MKLN1: variants seen among roughly 807,000 people sequenced by gnomAD.
The protein encoded by MKLN1 is muskelin 1.
MKLN1 carries 18 observed loss-of-function variants against 99.0 expected under a neutral mutation model. The ratio of observed to expected loss-of-function variants is 0.18; its 90% confidence interval spans 0.13 to 0.27. MKLN1 has a LOEUF of 0.27. Ranked by LOEUF, MKLN1 falls within the 10% of genes least tolerant of loss-of-function variation. The probability of loss-of-function intolerance (pLI) is 1.00; values close to 1 mark genes in which losing one functional copy is unlikely to be tolerated. For missense variants in MKLN1, 621 were observed against 875.9 expected (o/e 0.71, Z 3.67); for synonymous variants, 288 against 293.2 (o/e 0.98, Z 0.18).
At chr7:131,477,577 T>TA (rs1391319758) in intron 16 of MKLN1, among the ~76,000 whole-genome samples, 2 of 152,192 alleles carry the variant, frequency 1.3e-5, no homozygotes, top group Non-Finnish European at 2.9e-5. Flanking sequence ...AGAGGACTGA[T>TA]ACCCAGAATG....
intron 2 of MKLN1, among the ~76,000 whole-genome samples, chr7:131,381,019 T>G (rs1401660507): frequency 6.6e-6 from 1 of 152,250 alleles, no homozygotes; most frequent in Non-Finnish European, 1.5e-5. Flanking sequence ...TGTATAATCT[T>G]GTCTTATGTA....
intron 1 of MKLN1, among the ~76,000 whole-genome samples, chr7:131,339,544 C>T (rs1799344919): frequency 1.3e-5 from 2 of 151,964 alleles, no homozygotes; most frequent in Admixed American, 1.3e-4. Flanking sequence ...ACTAAAAATA[C>T]AAAAATTAGC....
At chr7:131,262,682 C>T (rs1312250301) in intron 3 of MKLN1, among the ~76,000 whole-genome samples, 2 of 151,970 alleles carry the variant, frequency 1.3e-5, no homozygotes, top group East Asian at 3.9e-4. Flanking sequence ...TCCCAAGTAG[C>T]TGGGACTGCA....
At chr7:131,219,154 C>G (rs574329084) in intron 3 of MKLN1, among the ~76,000 whole-genome samples, 3 of 151,596 alleles carry the variant, frequency 2.0e-5, no homozygotes, top group Non-Finnish European at 4.4e-5. Context: ...ACACTTAACA[C>G]AAATGCACAG....
chr7:131,349,155 G>A (rs960643424), intron 1 of MKLN1, among the ~76,000 whole-genome samples: 2 of 151,800 alleles, frequency 1.3e-5, no homozygotes, highest in Non-Finnish European at 2.9e-5. Flanking sequence ...ACATATAAAT[G>A]AAGCCTTTGA....
In MKLN1 at chr7:131,397,425, T is replaced by C. The variant is rs1441564140; in HGVS notation, c.510+49T>C. On this transcript the variant is annotated intron_variant, in intron 5 of 17. Transcript: ENST00000352689. Reference sequence around the variant, plus strand: ...ACTTTAATGCCTATAAAAGGAGAAATATGTCAATCTCTTATCTTCATTGAG... The same window carrying C: ...ACTTTAATGCCTATAAAAGGAGAAACATGTCAATCTCTTATCTTCATTGAG... 4.5e-6 allele frequency: 4 copies of C among 891,504 alleles called. No homozygotes were observed. The African/African-American group carries it at 6.8e-5, about 15-fold the overall frequency. The allele number at this position is 891,504 out of a possible 1,614,324, so 55.2% of individuals were successfully genotyped here.
At chr7:131,394,569 C>T (rs992109621) in intron 4 of MKLN1, among the ~76,000 whole-genome samples, 1 of 152,026 alleles carries the variant, frequency 6.6e-6, no homozygotes, top group Non-Finnish European at 1.5e-5. Flanking sequence ...ACACTGCGCA[C>T]CTCCTGCCAT....
intron 3 of MKLN1, among the ~76,000 whole-genome samples, chr7:131,267,986 T>C (rs1328840370): frequency 6.6e-6 from 1 of 152,240 alleles, no homozygotes; most frequent in African/African-American, 2.4e-5. Context: ...TTTTTTCTTC[T>C]TTTTAATTAC....
At chr7:131,163,880 G>A (rs1344043702) in intron 2 of MKLN1, among the ~76,000 whole-genome samples, 4 of 151,950 alleles carry the variant, frequency 2.6e-5, no homozygotes, top group Non-Finnish European at 5.9e-5. Context: ...CATGTATCAC[G>A]GGTATAATTT....
At chr7:131,162,670 T>C (rs751002635) in intron 2 of MKLN1, among the ~76,000 whole-genome samples, 58 of 152,240 alleles carry the variant, frequency 3.8e-4, no homozygotes, top group Non-Finnish European at 6.5e-4. Flanking sequence ...TATATGCAGA[T>C]ATTCCAAAAT....
At position 131,380,464 on chromosome 7, in the gene MKLN1, A is replaced by G. The variant is rs183457905; in HGVS notation, c.168+4971A>G. On this transcript the variant is annotated intron_variant, in intron 2 of 17. Coordinates refer to ENST00000352689, the MANE Select transcript of MKLN1 (RefSeq NM_013255.5). Reference sequence around the variant, plus strand: ...CAAAAAATGAAAAATACAATACCCAAAATGCAAATTGCACTTATGAGAATA... The same window carrying G: ...CAAAAAATGAAAAATACAATACCCAGAATGCAAATTGCACTTATGAGAATA... 2.2e-3 allele frequency among the ~76,000 whole-genome samples: 328 copies of G among 152,354 alleles called. 1 individual carries two copies. Among genetic ancestry groups the G allele is most frequent in the African/African-American group, 7.4e-3 (307 of 41,596 alleles).
chr7:131,413,701 G>A (rs1165824615), intron 7 of MKLN1, among the ~76,000 whole-genome samples: 4 of 151,916 alleles, frequency 2.6e-5, no homozygotes, highest in African/African-American at 9.7e-5. Context: ...CACCATGCCC[G>A]GCTAATTTTT....
At chr7:131,136,716 T>A (rs1325025950) in intron 1 of MKLN1, among the ~76,000 whole-genome samples, 1 of 152,206 alleles carries the variant, frequency 6.6e-6, no homozygotes, top group African/African-American at 2.4e-5. Context: ...TTGCACCACA[T>A]GTCCTGCCGT....
At chr7:131,404,874 G>A (rs185011271) in intron 6 of MKLN1, among the ~76,000 whole-genome samples, 122 of 152,254 alleles carry the variant, frequency 8.0e-4, no homozygotes, top group East Asian at 5.6e-3. Context: ...TAGAATTACA[G>A]TTGTGAGCCG....
chr7:131,142,596 G>A (rs569392683), intron 1 of MKLN1, among the ~76,000 whole-genome samples: 11 of 151,768 alleles, frequency 7.2e-5, no homozygotes, highest in East Asian at 5.9e-4. Context: ...TTAGCTGGGC[G>A]TGTAGGCGGG....
chr7:131,395,265 A>G (rs1246156058), intron 4 of MKLN1, among the ~76,000 whole-genome samples: 1 of 151,988 alleles, frequency 6.6e-6, no homozygotes, highest in Non-Finnish European at 1.5e-5. Flanking sequence ...TGAAAAATAA[A>G]TTGATTTTTA....
At chr7:131,298,493 C>G (rs921882968) in intron 3 of MKLN1, among the ~76,000 whole-genome samples, 3 of 152,168 alleles carry the variant, frequency 2.0e-5, no homozygotes, top group Admixed American at 1.3e-4. Flanking sequence ...TGCAGGCTCA[C>G]TCAATTTCCA....
chr7:131,156,466 A>G (rs553541025), intron 2 of MKLN1, among the ~76,000 whole-genome samples: 14 of 151,358 alleles, frequency 9.2e-5, no homozygotes, highest in East Asian at 5.8e-4. Flanking sequence ...AAAAAAAAAA[A>G]AAAAGAAAAG....
intron 15 of MKLN1, among the ~76,000 whole-genome samples, chr7:131,468,450 A>T (rs545584108): frequency 6.6e-6 from 1 of 152,256 alleles, no homozygotes; most frequent in East Asian, 1.9e-4. Context: ...ACACTGTTAG[A>T]CTGGCTTATT....
Sources: allele counts gnomAD v4.1 joint callset (sites outside exome capture counted in the v4.1 genomes callset), GRCh38; gene constraint gnomAD v4.1.1; transcripts MANE v1.5; gene names NCBI Gene and HGNC (gene_info 2026-07-23, HGNC 2026-07-21).